The following CPNE8 variants were observed in gnomAD, a reference collection of about 807,000 sequenced individuals.
CPNE8 encodes copine 8, also known as copine-8.
In CPNE8, 45 loss-of-function variants were observed where a neutral mutation model predicts 81.5. That is an observed-to-expected ratio of 0.55 (90% CI 0.44 to 0.71). CPNE8 has a LOEUF of 0.71. Ranked by LOEUF, CPNE8 falls within the 30% of genes least tolerant of loss-of-function variation. The pLI is 0.00. For synonymous variants in CPNE8, 252 were observed against 226.3 expected (o/e 1.11, Z -1.02); for missense variants, 594 against 672.1 (o/e 0.88, Z 1.28).
intron 11 of CPNE8, among the ~76,000 whole-genome samples, 161 bp from the exon 12 acceptor site, chr12:38,725,060 ACTT>A (rs1355392591): frequency 6.6e-6 from 1 of 152,154 alleles, no homozygotes; most frequent in East Asian, 1.9e-4. Context: ...TTCAGTCAAA[ACTT>A]CTCTGCAAAA....
At chr12:38,707,140 C>A (rs1228724327) in intron 13 of CPNE8, among the ~76,000 whole-genome samples, 1 of 151,894 alleles carries the variant, frequency 6.6e-6, no homozygotes, top group Non-Finnish European at 1.5e-5. Flanking sequence ...ATACTGAGAC[C>A]CAGTCTGTAT....
chr12:38,763,869 AC>A (rs1328192116), intron 8 of CPNE8, among the ~76,000 whole-genome samples: 1 of 151,306 alleles, frequency 6.6e-6, no homozygotes, highest in African/African-American at 2.4e-5. Flanking sequence ...ACTGCCCCTA[AC>A]CCCCATGATG....
intron 1 of CPNE8, among the ~76,000 whole-genome samples, chr12:38,881,186 GCGGACA>G (rs1944151356): frequency 6.7e-6 from 1 of 150,216 alleles, no homozygotes; most frequent in Non-Finnish European, 1.5e-5. Context: ...CTCCAGCCTG[GCGGACA>G]CAGCGAGATT....
At chr12:38,668,778 G>C (rs1422038063) in intron 19 of CPNE8, among the ~76,000 whole-genome samples, 4 of 151,990 alleles carry the variant, frequency 2.6e-5, no homozygotes, top group Admixed American at 2.0e-4. Context: ...GTCCGGGCAC[G>C]GTGGCTCATG....
At chr12:38,792,290 A>T (rs975936174) in intron 6 of CPNE8, among the ~76,000 whole-genome samples, 3 of 130,360 alleles carry the variant, frequency 2.3e-5, no homozygotes, top group Non-Finnish European at 5.3e-5. Context: ...TATCAATGAA[A>T]CTAAGAGTTT....
chr12:38,779,315 G>T (rs1294172639), intron 6 of CPNE8, among the ~76,000 whole-genome samples: 1 of 152,006 alleles, frequency 6.6e-6, no homozygotes, highest in Non-Finnish European at 1.5e-5. Context: ...GGTTACTTAG[G>T]GCACAAAAAT....
intron 10 of CPNE8, among the ~76,000 whole-genome samples, chr12:38,746,191 TA>T (rs551674890): frequency 3.0e-4 from 45 of 151,294 alleles, no homozygotes; most frequent in East Asian, 7.8e-4. Flanking sequence ...TCTTCAATAT[TA>T]AAAAAAAACC....
chr12:38,834,487 C>T (rs1221341417), intron 5 of CPNE8, among the ~76,000 whole-genome samples: 1 of 152,162 alleles, frequency 6.6e-6, no homozygotes, highest in Non-Finnish European at 1.5e-5. Flanking sequence ...TTACACTGGA[C>T]ATCCAATTCA....
intron 14 of CPNE8, among the ~76,000 whole-genome samples, chr12:38,702,449 G>A (rs1939970286): frequency 6.6e-6 from 1 of 152,006 alleles, no homozygotes; most frequent in South Asian, 2.1e-4. Context: ...GACAGATACT[G>A]TTGAATTACA....
chr12:38,655,612 G>GT (rs1938799681), intron 19 of CPNE8, among the ~76,000 whole-genome samples: 1 of 152,012 alleles, frequency 6.6e-6, no homozygotes, highest in South Asian at 2.1e-4. Flanking sequence ...AAATAAGTTT[G>GT]TTTTTTATTT....
chr12:38,677,437 G>A lies in CPNE8; in HGVS notation c.1374+15C>T. The A allele has an allele frequency of 7.0e-7, 1 of 1,421,818 alleles. No individual in the cohort carries two copies. The allele number at this position is 1,421,818 out of a possible 1,614,324, so 88.1% of individuals were successfully genotyped here. A position where few individuals can be genotyped will look rare whatever the true frequency, so the allele number is the denominator to read the frequency against. ...TGTCACGTAGCGAGCCCAATACGGA[G>A]TGACCCCCACTTACATTAACTATGG... On this transcript the variant is annotated intron_variant, in intron 17 of 19. Transcript: ENST00000331366.
At chr12:38,861,359 TAA>T (rs1943831515) in intron 3 of CPNE8, among the ~76,000 whole-genome samples, 1 of 152,264 alleles carries the variant, frequency 6.6e-6, no homozygotes, top group East Asian at 1.9e-4. Context: ...GGTCATATAT[TAA>T]GTGTTCTTAT....
chr12:38,827,197 T>C (rs1943213827), intron 6 of CPNE8, among the ~76,000 whole-genome samples: 1 of 146,832 alleles, frequency 6.8e-6, no homozygotes, highest in Admixed American at 6.8e-5. Flanking sequence ...GTATACCACA[T>C]AGCCAACGTG....
intron 4 of CPNE8, among the ~76,000 whole-genome samples, chr12:38,846,776 C>T (rs573459304): frequency 2.0e-4 from 31 of 152,054 alleles, no homozygotes; most frequent in East Asian, 9.7e-4. Context: ...CCTCTGAAAA[C>T]GTAAAGTATA....
intron 15 of CPNE8, among the ~76,000 whole-genome samples, chr12:38,692,796 C>T (rs1190056822): frequency 6.6e-6 from 1 of 152,138 alleles, no homozygotes; most frequent in Non-Finnish European, 1.5e-5. Context: ...ATACTCTTCC[C>T]ATTGAGAAGT....
chr12:38,839,677 T>A (rs889513222), intron 5 of CPNE8, among the ~76,000 whole-genome samples: 34 of 152,172 alleles, frequency 2.2e-4, no homozygotes, highest in African/African-American at 8.0e-4. Flanking sequence ...CATCATTTAC[T>A]GAAAAAATAA....
intron 6 of CPNE8, among the ~76,000 whole-genome samples, chr12:38,794,032 T>TGGG (rs1256749386): frequency 2.6e-5 from 4 of 152,098 alleles, no homozygotes; most frequent in African/African-American, 9.7e-5. Flanking sequence ...ATGTTTTGGA[T>TGGG]GCTTATCTTA....
At chr12:38,885,394 T>C (rs1025564496) in intron 1 of CPNE8, among the ~76,000 whole-genome samples, 9 of 152,150 alleles carry the variant, frequency 5.9e-5, no homozygotes, top group African/African-American at 2.2e-4. Flanking sequence ...TCCTGAATAA[T>C]GAGCAATGAC....
intron 6 of CPNE8, among the ~76,000 whole-genome samples, chr12:38,796,764 C>A (rs1942486854): frequency 1.3e-5 from 2 of 152,138 alleles, no homozygotes; most frequent in Admixed American, 6.5e-5. Flanking sequence ...TCGGGAAGCT[C>A]AAGTGGTCAG....
Sources: allele counts gnomAD v4.1 joint callset (sites outside exome capture counted in the v4.1 genomes callset), GRCh38; gene constraint gnomAD v4.1.1; transcripts MANE v1.5; gene names NCBI Gene and HGNC (gene_info 2026-07-23, HGNC 2026-07-21).